SEC31B: variants seen among roughly 807,000 people sequenced by gnomAD.
The protein encoded by SEC31B is protein transport protein Sec31B.
In SEC31B, 113 loss-of-function variants were observed where a neutral mutation model predicts 135.0. The observed-to-expected ratio is 0.84, with a 90% CI of 0.72 to 0.98. The LOEUF (loss-of-function observed/expected upper bound fraction) is 0.98. Ranked by LOEUF, SEC31B falls within the 50% of genes least tolerant of loss-of-function variation. SEC31B has a pLI of 0.00. For missense variants in SEC31B, 1,296 were observed against 1,421.1 expected, an observed-to-expected ratio of 0.91 and a Z score of 1.42; for synonymous variants, 508 against 549.4, an observed-to-expected ratio of 0.92 and a Z score of 1.05.
chr10:100,494,568 T>C (rs562857947), intron 19 of SEC31B, among the ~76,000 whole-genome samples: 35 of 152,222 alleles, frequency 2.3e-4, no homozygotes, highest in Non-Finnish European at 4.4e-4. Context: ...ATAGTAATTC[T>C]CAAAAGGCTT....
intron 19 of SEC31B, among the ~76,000 whole-genome samples, chr10:100,491,751 G>A (rs930340615): frequency 1.3e-5 from 2 of 152,250 alleles, no homozygotes; most frequent in African/African-American, 2.4e-5. Flanking sequence ...AAAGTCATGT[G>A]TTGAAAACTG....
At chr10:100,516,385 C>A (rs1312482328) in intron 2 of SEC31B, among the ~76,000 whole-genome samples, 166 bp from the exon 3 acceptor site, 1 of 152,088 alleles carries the variant, frequency 6.6e-6, no homozygotes, top group Admixed American at 6.6e-5. Flanking sequence ...CGGTGGCTCA[C>A]GCCTGTAATC....
In SEC31B at chr10:100,486,872, G is replaced by A. The variant is rs1011761036; in HGVS notation, c.*744C>T. 6.6e-6 allele frequency: 1 copy of A among 152,232 alleles called. No individual in the cohort carries two copies. The highest frequency in any genetic ancestry group is 1.5e-5 in the Non-Finnish European group (1 of 68,086). The allele number at this position is 152,232 out of a possible 1,614,324, so 9.4% of individuals were successfully genotyped here. A position where few individuals can be genotyped will look rare whatever the true frequency, so the allele number is the denominator to read the frequency against. ...ACAGAAGGAATGGCCTTGGGCTAAG[G>A]CTCCAACATAGGTGGAGTCAAGGGC... On this transcript the variant is annotated 3_prime_UTR_variant, in exon 26 of 26. Transcript: ENST00000370345.
At chr10:100,501,996 ACC>A (rs1851533233) in intron 11 of SEC31B, among the ~76,000 whole-genome samples, 1 of 152,102 alleles carries the variant, frequency 6.6e-6, no homozygotes, top group African/African-American at 2.4e-5. Flanking sequence ...TAGGACATCA[ACC>A]ATAGTAGCAA....
At position 100,505,403 on chromosome 10, in the gene SEC31B, T is replaced by C. The variant is rs565910778; in HGVS notation, c.1137A>G (p.Lys379=). Residue 379 remains lysine (K), a synonymous_variant, in exon 10 of 26, where the codon AAA becomes AAG. Transcript: ENST00000370345. ...TTGGTCTTCTAATCCATTTGGGGGGTTTTTTCAGGGGAGGTATCAGTGGTG... is the reference window on the plus strand; with the variant it reads ...TTGGTCTTCTAATCCATTTGGGGGGCTTTTTCAGGGGAGGTATCAGTGGTG... The part of the protein sequence containing the change: ...AQAPLIPPLK[K]PPKWIRRPTG... 6.2e-7 allele frequency: 1 copy of C among 1,604,932 alleles called. No individual in the cohort carries two copies. Among genetic ancestry groups the C allele is most frequent in the South Asian group, 1.1e-5 (1 of 90,392 alleles).
At chr10:100,501,216 G>C (rs1851517348) in intron 11 of SEC31B, among the ~76,000 whole-genome samples, 1 of 152,060 alleles carries the variant, frequency 6.6e-6, no homozygotes, top group Non-Finnish European at 1.5e-5. Flanking sequence ...TTGTACTCCA[G>C]CCTGAGCGAC....
chr10:100,515,344 A>G (rs911536666), intron 3 of SEC31B, among the ~76,000 whole-genome samples: 2 of 152,190 alleles, frequency 1.3e-5, no homozygotes, highest in Admixed American at 1.3e-4. Context: ...TATTGAATAT[A>G]TAACTTGAGT....
Position 100,508,659 on chromosome 10 carries a change from C to G in SEC31B, c.495+348G>C, listed in dbSNP as rs959054413. Reference sequence around the variant, plus strand: ...GTATGTCTGGGGTCCTACTCTTCCTCCCTCTTTGCTGGGCCCAATGCCCTA... The same window carrying G: ...GTATGTCTGGGGTCCTACTCTTCCTGCCTCTTTGCTGGGCCCAATGCCCTA... On this transcript the variant is annotated intron_variant, in intron 5 of 25. Coordinates refer to ENST00000370345, the MANE Select transcript of SEC31B (RefSeq NM_015490.4). 2.4e-5 allele frequency: 10 copies of G among 409,368 alleles called. No individual in the cohort carries two copies. In the East Asian group the frequency reaches 4.9e-4, roughly 20 times the overall value. The allele number at this position is 409,368 out of a possible 1,614,324, so 25.4% of individuals were successfully genotyped here.
At chr10:100,517,080 C>A in intron 1 of SEC31B, 83 bp from the exon 2 acceptor site, 1 of 679,568 alleles carries the variant, frequency 1.5e-6, no homozygotes. Flanking sequence ...TTCTCCATCA[C>A]AAGATAGGGC....
chr10:100,488,153 G>C (rs750947501), intron 24 of SEC31B, 55 bp from the exon 25 acceptor site: 68 of 1,492,654 alleles, frequency 4.6e-5, no homozygotes, highest in Non-Finnish European at 6.1e-5. Context: ...CACCACACAG[G>C]GCCATAAAGA....
At chr10:100,489,960 C>T in intron 21 of SEC31B, 48 bp downstream of exon 21, 1 of 1,532,644 alleles carries the variant, frequency 6.5e-7, no homozygotes. Context: ...GTGAGAGGAG[C>T]AGGGGAGGCA....
At chr10:100,499,736 C>A in intron 11 of SEC31B, 138 bp from the exon 12 acceptor site, 1 of 637,296 alleles carries the variant, frequency 1.6e-6, no homozygotes, top group Non-Finnish European at 2.7e-6. Flanking sequence ...CAGTCCAATG[C>A]CATCTCTTTT....
intron 10 of SEC31B, among the ~76,000 whole-genome samples, chr10:100,504,650 T>C (rs989532294): frequency 7.2e-5 from 11 of 152,096 alleles, no homozygotes; most frequent in Non-Finnish European, 1.6e-4. Context: ...TAAATAACTT[T>C]AGTATAGTTA....
At chr10:100,495,109 A>C (rs1851379591) in intron 19 of SEC31B, 1 of 386,676 alleles carries the variant, frequency 2.6e-6, no homozygotes, top group East Asian at 6.2e-5. Context: ...TACAGGCGTG[A>C]GCCACCACGC....
chr10:100,496,648 C>G (rs1242726929), intron 17 of SEC31B, among the ~76,000 whole-genome samples: 2 of 152,226 alleles, frequency 1.3e-5, no homozygotes, highest in African/African-American at 2.4e-5. Context: ...TAACTGGACC[C>G]ATCTGGGTCT....
In SEC31B at chr10:100,495,561, G is replaced by C. The variant is rs1851392234; in HGVS notation, c.2311-15C>G. 1.2e-6 allele frequency: 2 copies of C among 1,608,086 alleles called. No homozygotes were observed. Among genetic ancestry groups the C allele is most frequent in the Non-Finnish European group, 8.5e-7 (1 of 1,177,422 alleles). On this transcript the variant is annotated splice_polypyrimidine_tract_variant and intron_variant, in intron 18 of 25. Coordinates refer to ENST00000370345, the MANE Select transcript of SEC31B (RefSeq NM_015490.4). The stretch of plus-strand genomic sequence containing the variant: ...TGAACTGGTGGCTATAAGTTTTAAT[G>C]AGGAAGAGCTGTGTCAAGAAATTAA...
chr10:100,495,841 G>A (rs1337961877), intron 18 of SEC31B, among the ~76,000 whole-genome samples: 2 of 152,062 alleles, frequency 1.3e-5, no homozygotes, highest in Non-Finnish European at 1.5e-5. Context: ...GGACACCCCC[G>A]CTCTATACTC....
chr10:100,494,179 TC>T (rs902818450), intron 19 of SEC31B, among the ~76,000 whole-genome samples: 2 of 151,810 alleles, frequency 1.3e-5, no homozygotes, highest in African/African-American at 4.8e-5. Flanking sequence ...CAGTATCCAA[TC>T]CCCCCGGGCA....
chr10:100,506,156 G>A lies in SEC31B; in HGVS notation c.928C>T (p.Gln310Ter), dbSNP rs1851626640. The A allele has an allele frequency of 6.2e-7, 1 of 1,614,106 alleles. No homozygotes were observed. The highest frequency in any genetic ancestry group is 1.6e-4 in the Middle Eastern group (1 of 6,084). The change falls in exon 9 of 26, where the codon CAG (glutamine) becomes TAG (stop). Residue 310 changes from glutamine (Q) to a stop codon, truncating the protein, a stop_gained. Transcript: ENST00000370345. LOFTEE classifies it high-confidence loss of function. ...PTQSSWCFDV[Q>*]WCPRDPSVFS... ...ACTGAAGGGTCCCGAGGGCACCACT[G>A]CACATCAAAGCACCAGCTGCTCTGT...
Sources: gnomAD v4.1 joint callset for allele counts (sites outside exome capture counted in the v4.1 genomes callset) on GRCh38, gnomAD v4.1.1 for gene constraint, MANE v1.5 for transcripts, NCBI Gene and HGNC (gene_info 2026-07-23, HGNC 2026-07-21) for gene names.